Variants in BSPH1 observed in about 807,000 individuals in gnomAD.
BSPH1 encodes binder of sperm 1.
BSPH1 carries 21 observed loss-of-function variants against 22.5 expected under a neutral mutation model. That is an observed-to-expected ratio of 0.93 (90% CI 0.66 to 1.35). The LOEUF is 1.35. BSPH1 is among the 40% of genes most tolerant of loss of function. The pLI is 0.00. For synonymous variants in BSPH1, 42 were observed against 53.6 expected (o/e 0.78, Z 0.95); for missense variants, 141 against 154.2 (o/e 0.91, Z 0.45).
chr19:47,988,648 G>T (rs1474055446), intron 1 of BSPH1, among the ~76,000 whole-genome samples: 2 of 152,038 alleles, frequency 1.3e-5, no homozygotes, highest in African/African-American at 4.8e-5. Context: ...ACAAACGTTT[G>T]TTGACATCAA....
intron 5 of BSPH1, among the ~76,000 whole-genome samples, chr19:47,969,721 GAGAGAC>G (rs1969293063): frequency 8.3e-6 from 1 of 119,764 alleles, no homozygotes; most frequent in African/African-American, 2.7e-5. Flanking sequence ...GAGAGAGAGA[GAGAGAC>G]TTTAGAATGT....
intron 5 of BSPH1, among the ~76,000 whole-genome samples, chr19:47,973,013 C>T (rs1441526185): frequency 2.6e-5 from 4 of 151,678 alleles, no homozygotes; most frequent in Admixed American, 6.6e-5. Flanking sequence ...GTCAGGAGAT[C>T]GAGACCATCC....
chr19:47,976,983 A>G, intron 4 of BSPH1, 129 bp from the exon 5 acceptor site: 2 of 829,234 alleles, frequency 2.4e-6, no homozygotes, highest in Non-Finnish European at 1.9e-6. Flanking sequence ...GTGCACACAT[A>G]CACATGCACA....
At chr19:47,985,076 A>G (rs1292686465) in intron 1 of BSPH1, among the ~76,000 whole-genome samples, 3 of 116,688 alleles carry the variant, frequency 2.6e-5, no homozygotes, top group Non-Finnish European at 5.2e-5. Flanking sequence ...AAAAAAAAAA[A>G]AAGAAAGAAA....
At position 47,992,032 on chromosome 19, in the gene BSPH1, G is replaced by A. The variant is rs769057449; in HGVS notation, c.50C>T (p.Ala17Val). ...ACTTAAAATAACAGGGAAGATGCAA[G>A]CTGAGGAATTTCGCGTCGTTTCCAC... ...LFVETTRNSS[A>V]CIFPVILNEL... Residue 17 changes from alanine to valine, a missense_variant, in exon 1 of 6, where the codon GCT (alanine) becomes GTT (valine). Coordinates refer to ENST00000344839, the MANE Select transcript of BSPH1 (RefSeq NM_001128326.2). 39 of 1,550,100 alleles carry A rather than the reference G, an allele frequency of 2.5e-5. No individual in the cohort carries two copies. Among genetic ancestry groups the A allele is most frequent in the Non-Finnish European group, 7.0e-6 (8 of 1,145,670 alleles).
intron 1 of BSPH1, among the ~76,000 whole-genome samples, chr19:47,991,105 G>A (rs1422866721): frequency 6.6e-6 from 1 of 152,120 alleles, no homozygotes; most frequent in Non-Finnish European, 1.5e-5. Context: ...ATGGCGACTG[G>A]GATTTGATTA....
At chr19:47,974,636 G>C (rs1378554943) in intron 5 of BSPH1, among the ~76,000 whole-genome samples, 1 of 151,622 alleles carries the variant, frequency 6.6e-6, no homozygotes, top group African/African-American at 2.4e-5. Flanking sequence ...TCTCTCGCTT[G>C]CTCTCCATCT....
chr19:47,978,197 T>C (rs910901745), intron 3 of BSPH1, among the ~76,000 whole-genome samples: 1 of 151,854 alleles, frequency 6.6e-6, no homozygotes, highest in African/African-American at 2.4e-5. Context: ...CTTATCCTCC[T>C]GGGCTCAAGC....
intron 5 of BSPH1, among the ~76,000 whole-genome samples, chr19:47,972,868 C>T (rs933343228): frequency 6.6e-6 from 1 of 150,994 alleles, no homozygotes; most frequent in African/African-American, 2.4e-5. Context: ...CCCACCCCCA[C>T]CCCCACACGT....
chr19:47,975,948 C>A (rs1029790200), intron 5 of BSPH1, among the ~76,000 whole-genome samples: 1 of 152,216 alleles, frequency 6.6e-6, no homozygotes, highest in Non-Finnish European at 1.5e-5. Context: ...AGCCACCGTG[C>A]CCGGCCAAGG....
At chr19:47,974,788 T>TA (rs879840614) in intron 5 of BSPH1, among the ~76,000 whole-genome samples, 89,841 of 151,284 alleles carry the variant, frequency 0.59, 27,167 homozygotes, top group African/African-American at 0.67. Context: ...ACTACCCAAT[T>TA]TGAGCGTGCA....
chr19:47,974,262 T>A, intron 5 of BSPH1, among the ~76,000 whole-genome samples: 1 of 118,268 alleles, frequency 8.5e-6, no homozygotes, highest in African/African-American at 4.4e-5. Flanking sequence ...ACTTTCTCTC[T>A]CTCTCTCTTT....
Position 47,980,947 on chromosome 19 carries a change from A to T in BSPH1, c.74-6T>A. 5.6e-6 allele frequency: 8 copies of T among 1,432,096 alleles called. No homozygotes were observed. Among genetic ancestry groups the T allele is most frequent in the Non-Finnish European group, 7.5e-6 (8 of 1,068,970 alleles). The allele number at this position is 1,432,096 out of a possible 1,614,324, so 88.7% of individuals were successfully genotyped here. A position where few individuals can be genotyped will look rare whatever the true frequency, so the allele number is the denominator to read the frequency against. The stretch of plus-strand genomic sequence containing the variant: ...CACAGTTGATGATAATTCATCTGAA[A>T]AACACAATTTTGAACAAATATTTAT... On this transcript the variant is annotated splice_polypyrimidine_tract_variant and splice_region_variant and intron_variant, in intron 1 of 5. Coordinates refer to ENST00000344839, the MANE Select transcript of BSPH1 (RefSeq NM_001128326.2).
chr19:47,983,287 A>T (rs922693768), intron 1 of BSPH1, among the ~76,000 whole-genome samples: 9 of 152,276 alleles, frequency 5.9e-5, no homozygotes, highest in African/African-American at 2.2e-4. Context: ...AGATCAATGG[A>T]CTCATCAGGA....
intron 1 of BSPH1, among the ~76,000 whole-genome samples, chr19:47,990,574 G>C (rs73941426): frequency 2.6e-3 from 391 of 150,844 alleles, no homozygotes; most frequent in African/African-American, 9.2e-3. Context: ...TACATTGGGA[G>C]TATATTTTCT....
At chr19:47,984,151 GAA>G (rs66621103) in intron 1 of BSPH1, among the ~76,000 whole-genome samples, 4 of 138,648 alleles carry the variant, frequency 2.9e-5, no homozygotes, top group East Asian at 2.1e-4. Flanking sequence ...CTGGCTTGAA[GAA>G]AAAAAAAAAA....
intron 1 of BSPH1, among the ~76,000 whole-genome samples, chr19:47,983,283 A>G (rs1455107031): frequency 6.6e-6 from 1 of 152,214 alleles, no homozygotes; most frequent in African/African-American, 2.4e-5. Context: ...TCCAAGATCA[A>G]TGGACTCATC....
chr19:47,984,050 T>C (rs1355596544), intron 1 of BSPH1, among the ~76,000 whole-genome samples: 1 of 151,500 alleles, frequency 6.6e-6, no homozygotes, highest in Non-Finnish European at 1.5e-5. Flanking sequence ...TTTTGCCATG[T>C]TGGTCAGGCT....
At chr19:47,984,451 C>T (rs1053803294) in intron 1 of BSPH1, among the ~76,000 whole-genome samples, 1 of 151,828 alleles carries the variant, frequency 6.6e-6, no homozygotes, top group Non-Finnish European at 1.5e-5. Flanking sequence ...CACCTTTGGT[C>T]ATAATTCAAG....
Sources: gnomAD v4.1 joint callset for allele counts (sites outside exome capture counted in the v4.1 genomes callset) on GRCh38, gnomAD v4.1.1 for gene constraint, MANE v1.5 for transcripts, NCBI Gene and HGNC (gene_info 2026-07-23, HGNC 2026-07-21) for gene names.